The following GRK5 variants were observed in gnomAD, a reference collection of about 807,000 sequenced individuals.
GRK5 encodes G protein-coupled receptor kinase 5, also known as g protein-coupled receptor kinase GRK5.
Under a neutral mutation model 78.4 loss-of-function variants are expected in GRK5, and 40 were observed. The observed-to-expected ratio is 0.51, with a 90% CI of 0.40 to 0.66. The LOEUF (loss-of-function observed/expected upper bound fraction) is 0.66. GRK5 is among the 30% of genes least tolerant of loss of function. The pLI is 0.00. For missense variants in GRK5, 598 were observed against 759.9 expected, an observed-to-expected ratio of 0.79 and a Z score of 2.50; for synonymous variants, 289 against 296.8, an observed-to-expected ratio of 0.97 and a Z score of 0.27.
At chr10:119,421,931 G>C (rs1035994868) in intron 4 of GRK5, among the ~76,000 whole-genome samples, 1 of 152,106 alleles carries the variant, frequency 6.6e-6, no homozygotes, top group Non-Finnish European at 1.5e-5. Context: ...CTGCTGCCTC[G>C]GGCGTCCCCT....
chr10:119,262,379 C>T (rs1400354699), intron 1 of GRK5, among the ~76,000 whole-genome samples: 1 of 132,660 alleles, frequency 7.5e-6, no homozygotes, highest in East Asian at 2.3e-4. Flanking sequence ...CCCTCTGTTG[C>T]CCAGGCTGGA....
chr10:119,449,753 C>T (rs1324863251), intron 13 of GRK5, among the ~76,000 whole-genome samples: 1 of 152,228 alleles, frequency 6.6e-6, no homozygotes, highest in African/African-American at 2.4e-5. Context: ...TGTACCACTG[C>T]ACTCCAGCCT....
chr10:119,281,053 C>T (rs1849754913), intron 1 of GRK5, among the ~76,000 whole-genome samples: 1 of 152,004 alleles, frequency 6.6e-6, no homozygotes, highest in Non-Finnish European at 1.5e-5. Context: ...ACTGGGATTA[C>T]AGGCATGAAC....
chr10:119,361,356 G>A (rs1213231431), intron 2 of GRK5, among the ~76,000 whole-genome samples: 3 of 152,216 alleles, frequency 2.0e-5, no homozygotes, highest in African/African-American at 7.2e-5. Flanking sequence ...GGGAGGCCTC[G>A]AGGCCATCAT....
intron 2 of GRK5, among the ~76,000 whole-genome samples, chr10:119,350,804 C>A (rs188625433): frequency 1.6e-3 from 247 of 152,326 alleles, no homozygotes; most frequent in Admixed American, 2.8e-3. Flanking sequence ...CAGTCTACTT[C>A]CAGTGTGTAA....
At chr10:119,442,145 C>T (rs370538857) in intron 11 of GRK5, 57 bp downstream of exon 11, 149 of 1,423,226 alleles carry the variant, frequency 1.0e-4, no homozygotes, top group Middle Eastern at 7.1e-4. Flanking sequence ...TGCTCACCGC[C>T]GGCCGAGCCC....
chr10:119,353,011 G>C (rs1190978317), intron 2 of GRK5, among the ~76,000 whole-genome samples: 2 of 152,202 alleles, frequency 1.3e-5, no homozygotes, highest in Non-Finnish European at 2.9e-5. Flanking sequence ...CTGGCCAGTT[G>C]CCAGAAATAT....
At chr10:119,392,469 C>T (rs1421578805) in intron 3 of GRK5, among the ~76,000 whole-genome samples, 1 of 152,224 alleles carries the variant, frequency 6.6e-6, no homozygotes, top group Non-Finnish European at 1.5e-5. Context: ...ATGGCACAAT[C>T]TCAGCTTACT....
intron 2 of GRK5, among the ~76,000 whole-genome samples, chr10:119,350,021 C>T (rs1240553215): frequency 6.6e-6 from 1 of 152,256 alleles, no homozygotes; most frequent in Non-Finnish European, 1.5e-5. Flanking sequence ...CGGTCACCCA[C>T]TTATAGGCAA....
intron 13 of GRK5, among the ~76,000 whole-genome samples, chr10:119,450,232 G>C (rs1297043929): frequency 6.6e-6 from 1 of 152,168 alleles, no homozygotes; most frequent in African/African-American, 2.4e-5. Context: ...GCAAAGGTTT[G>C]GAACCCGGGT....
chr10:119,249,231 A>T (rs564108386), intron 1 of GRK5, among the ~76,000 whole-genome samples: 1 of 151,572 alleles, frequency 6.6e-6, no homozygotes, highest in Non-Finnish European at 1.5e-5. Flanking sequence ...AGATCGTGCC[A>T]TTGTGCTCCA....
intron 1 of GRK5, among the ~76,000 whole-genome samples, chr10:119,317,786 G>A (rs910970103): frequency 6.6e-6 from 1 of 152,140 alleles, no homozygotes; most frequent in South Asian, 2.1e-4. Context: ...TTTAGAAGAC[G>A]TAGACAGGGC....
intron 2 of GRK5, chr10:119,333,304 T>A (rs1173993090): frequency 6.5e-6 from 1 of 154,712 alleles, no homozygotes; most frequent in Non-Finnish European, 1.4e-5. Flanking sequence ...CCTCACCATC[T>A]GGATGAGGCA....
At chr10:119,360,469 CTGTG>C (rs566146016) in intron 2 of GRK5, among the ~76,000 whole-genome samples, 4 of 148,606 alleles carry the variant, frequency 2.7e-5, no homozygotes, top group South Asian at 4.4e-4. Context: ...TGGGAGGAGT[CTGTG>C]TGAGTGGGAG....
At position 119,307,119 on chromosome 10, in the gene GRK5, G is replaced by A. The variant is rs537685481; in HGVS notation, c.53-19397G>A. On this transcript the variant is annotated intron_variant, in intron 1 of 15. Coordinates refer to ENST00000392870, the MANE Select transcript of GRK5 (RefSeq NM_005308.3). ...TTCTTAACTATGCTAAATGCTTTAC[G>A]TGCATCAGCTCATTGATGCCTATAT... 7.2e-5 allele frequency among the ~76,000 whole-genome samples: 11 copies of A among 152,152 alleles called. No homozygotes were observed. In the East Asian group the frequency reaches 1.3e-3, roughly 19 times the overall value.
At position 119,412,785 on chromosome 10, in the gene GRK5, C is replaced by T. The variant is rs192067840; in HGVS notation, c.340-10381C>T. Among the ~76,000 whole-genome samples, 346 of 152,276 alleles carry T rather than the reference C, an allele frequency of 2.3e-3. No homozygotes were observed. The highest frequency in any genetic ancestry group is 8.0e-3 in the African/African-American group (331 of 41,548). On this transcript the variant is annotated intron_variant, in intron 4 of 15. Coordinates refer to ENST00000392870, the MANE Select transcript of GRK5 (RefSeq NM_005308.3). This position sits in a 1 kb window ranked among gnomAD's most constrained non-coding sequence, Gnocchi z 4.3. ...GCAAACCTTTTTCTCTGGTTGTGAC[C>T]GTATGAGCATGTTTAATTGCAAGCC... is the stretch of plus-strand genomic sequence containing the variant.
intron 1 of GRK5, among the ~76,000 whole-genome samples, chr10:119,249,146 C>T (rs575179930): frequency 6.6e-6 from 1 of 152,194 alleles, no homozygotes; most frequent in Admixed American, 6.5e-5. Flanking sequence ...TGGCGGGTGC[C>T]TGTAATCCCA....
intron 3 of GRK5, among the ~76,000 whole-genome samples, chr10:119,389,740 A>G (rs938348264): frequency 3.9e-5 from 6 of 151,954 alleles, no homozygotes; most frequent in African/African-American, 1.5e-4. Context: ...AACCCTGGGA[A>G]CTGTGGACTG....
chr10:119,270,451 C>G (rs554892305), intron 1 of GRK5, among the ~76,000 whole-genome samples: 16 of 152,338 alleles, frequency 1.1e-4, no homozygotes, highest in Admixed American at 8.5e-4. Context: ...TAGAAGTAAT[C>G]TAGAGATGAT....
Sources: allele counts gnomAD v4.1 joint callset (sites outside exome capture counted in the v4.1 genomes callset), GRCh38; gene constraint gnomAD v4.1.1; non-coding constraint Gnocchi (gnomAD v3.1); transcripts MANE v1.5; gene names NCBI Gene and HGNC (gene_info 2026-07-23, HGNC 2026-07-21).